The following UMAD1 variants were observed in gnomAD, a reference collection of about 807,000 sequenced individuals.
UMAD1 encodes UBAP1-MVB12-associated (UMA)-domain containing protein 1.
UMAD1 carries 8 observed loss-of-function variants against 6.1 expected under a neutral mutation model. The ratio of observed to expected loss-of-function variants is 1.30; its 90% CI spans 0.76 to 2.35. UMAD1 has a LOEUF of 2.35. UMAD1 is among the 30% of genes most tolerant of loss of function. UMAD1 has a pLI of 0.00. For missense variants in UMAD1, 130 were observed against 78.4 expected (o/e 1.66, Z -2.49); for synonymous variants, 56 against 31.4 (o/e 1.78, Z -2.61).
intron 2 of UMAD1, among the ~76,000 whole-genome samples, chr7:7,675,752 G>GA (rs1320256085): frequency 6.6e-6 from 1 of 152,134 alleles, no homozygotes. Flanking sequence ...CAGTCATGGT[G>GA]AGGAATCACT....
chr7:7,835,462 C>CTTTT (rs150411259), intron 3 of UMAD1, among the ~76,000 whole-genome samples: 5 of 33,682 alleles, frequency 1.5e-4, no homozygotes, highest in East Asian at 7.9e-4. Flanking sequence ...TGAAACAGCA[C>CTTTT]TTTTTTTTTT....
intron 1 of UMAD1, among the ~76,000 whole-genome samples, chr7:7,666,831 G>T (rs903825124): frequency 6.6e-6 from 1 of 151,960 alleles, no homozygotes; most frequent in Non-Finnish European, 1.5e-5. Context: ...TTGAGACGAA[G>T]TTTCACTCTT....
At chr7:7,768,788 T>G (rs1782043775) in intron 2 of UMAD1, among the ~76,000 whole-genome samples, 1 of 152,232 alleles carries the variant, frequency 6.6e-6, no homozygotes, top group African/African-American at 2.4e-5. Context: ...ATTATCGCAC[T>G]TTACTATATT....
chr7:7,876,906 C>G (rs1169107276), intron 3 of UMAD1, among the ~76,000 whole-genome samples: 1 of 152,158 alleles, frequency 6.6e-6, no homozygotes, highest in Non-Finnish European at 1.5e-5. Flanking sequence ...TAGGCAAGAT[C>G]ACTTTGTACT....
chr7:7,686,863 A>G (rs1780053147), intron 2 of UMAD1, among the ~76,000 whole-genome samples: 1 of 152,182 alleles, frequency 6.6e-6, no homozygotes, highest in Middle Eastern at 3.2e-3. Context: ...TTAAAAACAC[A>G]CTGCTGTGTA....
At chr7:7,751,415 A>G (rs1781675288) in intron 2 of UMAD1, among the ~76,000 whole-genome samples, 1 of 152,230 alleles carries the variant, frequency 6.6e-6, no homozygotes, top group African/African-American at 2.4e-5. Context: ...ATTTCTGATA[A>G]GTTAGAGATT....
At chr7:7,789,294 G>T (rs565103627) in intron 2 of UMAD1, among the ~76,000 whole-genome samples, 2 of 149,180 alleles carry the variant, frequency 1.3e-5, no homozygotes, top group South Asian at 2.1e-4. Flanking sequence ...CATTTCCCTC[G>T]CATGACTTTC....
At chr7:7,834,358 G>C (rs1783525262) in intron 3 of UMAD1, among the ~76,000 whole-genome samples, 1 of 152,054 alleles carries the variant, frequency 6.6e-6, no homozygotes, top group Non-Finnish European at 1.5e-5. Flanking sequence ...GATATGATCT[G>C]TCATCCATAA....
chr7:7,666,235 G>A (rs1393203057), intron 1 of UMAD1, among the ~76,000 whole-genome samples: 3 of 151,892 alleles, frequency 2.0e-5, no homozygotes, highest in Admixed American at 6.6e-5. Flanking sequence ...GGGTCTCATA[G>A]CCCTGTCACC....
At chr7:7,744,751 T>A (rs1450906928) in intron 2 of UMAD1, among the ~76,000 whole-genome samples, 1 of 152,350 alleles carries the variant, frequency 6.6e-6, no homozygotes, top group East Asian at 1.9e-4. Flanking sequence ...ATTTTGTTTA[T>A]TTTTAAGTCA....
intron 3 of UMAD1, among the ~76,000 whole-genome samples, chr7:7,840,892 C>G (rs1360654868): frequency 1.3e-5 from 2 of 152,174 alleles, no homozygotes; most frequent in African/African-American, 2.4e-5. Context: ...AGGAGTTGTA[C>G]TCCATCATAG....
At chr7:7,841,407 A>C (rs1783679580) in intron 3 of UMAD1, among the ~76,000 whole-genome samples, 1 of 150,726 alleles carries the variant, frequency 6.6e-6, no homozygotes, top group African/African-American at 2.4e-5. Context: ...GGCTCAAGCG[A>C]TCCTCCCACC....
intron 2 of UMAD1, among the ~76,000 whole-genome samples, chr7:7,799,818 C>A (rs1437600226): frequency 1.3e-5 from 2 of 152,196 alleles, no homozygotes; most frequent in Non-Finnish European, 2.9e-5. Flanking sequence ...TTTTGCCTCA[C>A]AAATATGTTT....
intron 3 of UMAD1, among the ~76,000 whole-genome samples, chr7:7,803,479 A>G (rs1782842590): frequency 6.6e-6 from 1 of 152,204 alleles, no homozygotes; most frequent in African/African-American, 2.4e-5. Context: ...ATAGGAAATA[A>G]AAGTTGATAT....
intron 3 of UMAD1, among the ~76,000 whole-genome samples, chr7:7,803,854 A>G (rs1294890212): frequency 6.6e-6 from 1 of 152,120 alleles, no homozygotes; most frequent in African/African-American, 2.4e-5. Context: ...GTTTCAACAT[A>G]CGAATTTTGG....
rs752557569 is a variant in UMAD1 at position 7,787,070 on chromosome 7, T to G, written c.83-14600T>G. On this transcript the variant is annotated intron_variant, in intron 2 of 3. Transcript: ENST00000682710. ...GGCACGTGTCCAGTTGAATTCTAAT[T>G]TCACTAAACCTGCCCCCTAGAAAAC... Among the ~76,000 whole-genome samples the G allele has an allele frequency of 8.5e-5, 13 of 152,206 alleles. No individual in the cohort carries two copies. The South Asian group carries it at 1.0e-3, about 12-fold the overall frequency.
At chr7:7,848,198 A>T (rs1783847324) in intron 3 of UMAD1, among the ~76,000 whole-genome samples, 1 of 152,164 alleles carries the variant, frequency 6.6e-6, no homozygotes, top group Admixed American at 6.6e-5. Context: ...TTTTTCCCTC[A>T]AATAACTGAT....
chr7:7,760,713 G>A (rs1377987751), intron 2 of UMAD1, among the ~76,000 whole-genome samples: 1 of 152,144 alleles, frequency 6.6e-6, no homozygotes, highest in Non-Finnish European at 1.5e-5. Context: ...AAGGTAGAGA[G>A]TAATTAGGTT....
At chr7:7,698,436 T>C (rs915583828) in intron 2 of UMAD1, among the ~76,000 whole-genome samples, 1 of 152,248 alleles carries the variant, frequency 6.6e-6, no homozygotes, top group African/African-American at 2.4e-5. Context: ...CTTTCAGTGT[T>C]TTTACAGCTT....
Sources: allele counts gnomAD v4.1 joint callset (sites outside exome capture counted in the v4.1 genomes callset), GRCh38; gene constraint gnomAD v4.1.1; transcripts MANE v1.5; gene names NCBI Gene and HGNC (gene_info 2026-07-23, HGNC 2026-07-21).